TMEM181: variants seen among roughly 807,000 people sequenced by gnomAD.
TMEM181 encodes the protein G protein-coupled receptor 178.
Under a neutral mutation model 71.9 loss-of-function variants are expected in TMEM181, and 39 were observed. That is an observed-to-expected ratio of 0.54 (90% CI 0.42 to 0.71). The LOEUF (loss-of-function observed/expected upper bound fraction) is 0.71, where lower values mean the gene tolerates loss of function less well. Among genes scored for constraint, TMEM181 ranks in the 30% least tolerant of loss-of-function variants. The pLI, the probability that TMEM181 is intolerant of heterozygous loss-of-function variation, is 0.00. For synonymous variants in TMEM181, 245 were observed against 228.8 expected, an observed-to-expected ratio of 1.07 and a Z score of -0.64; for missense variants, 595 against 583.0, an observed-to-expected ratio of 1.02 and a Z score of -0.21.
chr6:158,555,097 C>A (rs1781836960), upstream of TMEM181, among the ~76,000 whole-genome samples: 1 of 152,180 alleles, frequency 6.6e-6, no homozygotes, highest in African/African-American at 2.4e-5. Context: ...GAACTAGTAA[C>A]AAATGTATCT....
chr6:158,572,385 G>C (rs1169185350), intron 1 of TMEM181: 2 of 456,624 alleles, frequency 4.4e-6, no homozygotes, highest in South Asian at 3.1e-5. Context: ...CTTCCCGCTG[G>C]TCTGGCTCCC....
chr6:158,625,258 TG>T (rs1786209961), intron 12 of TMEM181, 52 bp downstream of exon 12: 2 of 1,515,880 alleles, frequency 1.3e-6, no homozygotes, highest in African/African-American at 2.7e-5. Context: ...GTGACTCAGG[TG>T]GGGGAAGAAG....
chr6:158,567,937 G>A, intron 1 of TMEM181, among the ~76,000 whole-genome samples: 1 of 152,190 alleles, frequency 6.6e-6, no homozygotes, highest in Middle Eastern at 3.2e-3. Flanking sequence ...AAACTTGATG[G>A]AGTTGGCTGC....
intron 1 of TMEM181, among the ~76,000 whole-genome samples, chr6:158,550,717 A>G (rs1393560924): frequency 1.3e-5 from 2 of 152,136 alleles, no homozygotes; most frequent in Admixed American, 6.5e-5. Flanking sequence ...GTAGTCCCCA[A>G]TTTTAGTAAT....
chr6:158,623,678 C>A (rs1253446391), intron 11 of TMEM181, 71 bp downstream of exon 11: 52 of 1,140,316 alleles, frequency 4.6e-5, no homozygotes, highest in Non-Finnish European at 6.5e-5. Context: ...AATTTTGTGA[C>A]TTAAATTGTT....
In TMEM181 at chr6:158,623,993, C is replaced by T. The variant is rs184551129; in HGVS notation, c.954+386C>T. On this transcript the variant is annotated intron_variant, in intron 11 of 16. Transcript: ENST00000684151. ...GCCAGACTGTTCTCAAACTCCTGAT[C>T]TCAAGTGATCTACCCATCTCGGCCT... 1.2e-3 allele frequency among the ~76,000 whole-genome samples: 185 copies of T among 152,328 alleles called. 1 individual carries two copies. The South Asian group carries it at 0.021, about 18-fold the overall frequency.
At chr6:158,565,248 C>T (rs1305688519) in intron 1 of TMEM181, among the ~76,000 whole-genome samples, 1 of 152,246 alleles carries the variant, frequency 6.6e-6, no homozygotes, top group Non-Finnish European at 1.5e-5. Context: ...CTGCTCGCCT[C>T]CCCTGCCGTG....
chr6:158,628,505 G>A lies in TMEM181; in HGVS notation c.1192+15G>A. 1 of 1,612,158 alleles carries A rather than the reference G, an allele frequency of 6.2e-7. No homozygotes were observed. Reference sequence around the variant, plus strand: ...CTACCAGAATTATATCCTTTTCACTGGAGGGCCCTGGCTGCAGGACGCCTG... The same window carrying A: ...CTACCAGAATTATATCCTTTTCACTAGAGGGCCCTGGCTGCAGGACGCCTG... On this transcript the variant is annotated intron_variant, in intron 14 of 16. Coordinates refer to ENST00000684151, the MANE Select transcript of TMEM181 (RefSeq NM_001376852.1).
At position 158,629,749 on chromosome 6, in the gene TMEM181, C is replaced by G; in HGVS notation, c.1212C>G (p.Phe404Leu). The change falls in exon 15 of 17, where the codon TTC (phenylalanine) becomes TTG (leucine). Residue 404 changes from phenylalanine (F) to leucine (L), a missense_variant. Transcript: ENST00000684151. ...HYQNSAEFLS[F>L]YGLLNFYLYT... Reference sequence around the variant, plus strand: ...CACCACCAGCCGAGTTCTTATCTTTCTATGGCCTGTTGAACTTCTATCTCT... The same window carrying G: ...CACCACCAGCCGAGTTCTTATCTTTGTATGGCCTGTTGAACTTCTATCTCT... The G allele has an allele frequency of 6.2e-7, 1 of 1,612,106 alleles. No homozygotes were observed. The highest frequency in any genetic ancestry group is 8.5e-7 in the Non-Finnish European group (1 of 1,179,134).
At chr6:158,547,546 G>A (rs1437482844) in intron 1 of TMEM181, among the ~76,000 whole-genome samples, 1 of 152,194 alleles carries the variant, frequency 6.6e-6, no homozygotes, top group Admixed American at 6.5e-5. Flanking sequence ...CACCAGGCAG[G>A]CGCTCTTGGA....
chr6:158,590,977 T>C (rs750120182), intron 6 of TMEM181, among the ~76,000 whole-genome samples: 20 of 152,264 alleles, frequency 1.3e-4, no homozygotes, highest in South Asian at 2.1e-4. Context: ...GGTGACTGTC[T>C]GCTTTCACTT....
At chr6:158,626,958 T>C (rs111069520) in intron 13 of TMEM181, among the ~76,000 whole-genome samples, 3,630 of 66,410 alleles carry the variant, frequency 0.055, 178 homozygotes, top group African/African-American at 0.16. Context: ...TCACCCTCAC[T>C]CACACCCTCT....
chr6:158,635,173 C>A lies in TMEM181; in HGVS notation c.*3285C>A, dbSNP rs1786888623. 6.6e-6 allele frequency: 1 copy of A among 152,134 alleles called. No homozygotes were observed. Among genetic ancestry groups the A allele is most frequent in the Non-Finnish European group, 1.5e-5 (1 of 68,030 alleles). The allele number at this position is 152,134 out of a possible 1,614,324, so 9.4% of individuals were successfully genotyped here. ...CCATACTATAAAACAGAAGAATTTT[C>A]TGCTACTAAAAACTGCCTTTTTACA... On this transcript the variant is annotated 3_prime_UTR_variant, in exon 17 of 17. Transcript: ENST00000684151.
At chr6:158,558,974 A>G (rs1419370220), upstream of TMEM181, among the ~76,000 whole-genome samples, 2 of 152,176 alleles carry the variant, frequency 1.3e-5, no homozygotes, top group African/African-American at 2.4e-5. Context: ...CTGCTTATGT[A>G]TGAAAAGAAC....
chr6:158,560,353 C>A, intron 1 of TMEM181, 121 bp downstream of exon 1: 1 of 978,128 alleles, frequency 1.0e-6, no homozygotes, highest in Non-Finnish European at 1.2e-6. Flanking sequence ...GAACTGGGGG[C>A]AGGGAAAAGG....
intron 1 of TMEM181, among the ~76,000 whole-genome samples, chr6:158,543,561 T>G (rs969133870): frequency 2.6e-5 from 4 of 152,354 alleles, no homozygotes; most frequent in African/African-American, 9.6e-5. Context: ...CTGAGGGACA[T>G]TCTGTCCCAG....
intron 6 of TMEM181, among the ~76,000 whole-genome samples, chr6:158,595,044 A>G (rs1036741): frequency 0.36 from 55,068 of 152,106 alleles, 11,054 homozygotes; most frequent in East Asian, 0.75. Flanking sequence ...GCTATTTGTT[A>G]TAATGCCTTT....
intron 1 of TMEM181, among the ~76,000 whole-genome samples, chr6:158,543,643 C>G (rs182878008): frequency 6.6e-6 from 1 of 152,198 alleles, no homozygotes; most frequent in Non-Finnish European, 1.5e-5. Context: ...GTCTTCACAT[C>G]GTCTTCCTTC....
At position 158,635,054 on chromosome 6, in the gene TMEM181, T is replaced by C. The variant is rs1181209452; in HGVS notation, c.*3166T>C. On this transcript the variant is annotated 3_prime_UTR_variant, in exon 17 of 17. Coordinates refer to ENST00000684151, the MANE Select transcript of TMEM181 (RefSeq NM_001376852.1). ...AAAAAAAAAAAAAGATACAGATCTT[T>C]TCCCCTGGCCAAAGGGAAGTTGTAT... 1 of 152,154 alleles carries C rather than the reference T, an allele frequency of 6.6e-6. No individual in the cohort carries two copies. The highest frequency in any genetic ancestry group is 1.5e-5 in the Non-Finnish European group (1 of 68,016). 9.4% of individuals were successfully genotyped at this position (152,154 alleles called of 1,614,324 possible). A position where few individuals can be genotyped will look rare whatever the true frequency, so the allele number is the denominator to read the frequency against.
Sources: gnomAD v4.1 joint callset for allele counts (sites outside exome capture counted in the v4.1 genomes callset) on GRCh38, gnomAD v4.1.1 for gene constraint, MANE v1.5 for transcripts, NCBI Gene and HGNC (gene_info 2026-07-23, HGNC 2026-07-21) for gene names.